LINC00632: variants seen among roughly 807,000 people sequenced by gnomAD.
LINC00632 encodes ALDOA related specific transcript.
exon 5 of LINC00632, among the ~76,000 whole-genome samples, chrX:140,785,358 G>A (rs967457744): frequency 4.5e-5 from 5 of 111,694 alleles, no homozygotes; most frequent in Non-Finnish European, 9.4e-5. Context: ...TGAGGAAACT[G>A]GCACACAGAG....
rs201460417 is a variant in LINC00632, at chrX:140,742,892, G to GA, written n.191+8930dup. On this transcript the variant is annotated intron_variant and non_coding_transcript_variant, in intron 3 of 4. Transcript: ENST00000648200. ...GAGAGAGAGAGAGGAAGGAAGGAAG[G>GA]AAGGAAAGGAAAGGAAAAGGGAAAG... is the stretch of plus-strand genomic sequence containing the variant. 3.6e-3 allele frequency among the ~76,000 whole-genome samples: 358 copies of GA among 99,538 alleles called. 3 individuals are homozygous for GA. Among genetic ancestry groups the GA allele is most frequent in the Middle Eastern group, 0.015 (3 of 195 alleles). 86.4% of individuals were successfully genotyped at this position (99,538 alleles called of 115,157 possible).
At chrX:140,766,258 T>C (rs145878199) in intron 3 of LINC00632, among the ~76,000 whole-genome samples, 2,176 of 111,690 alleles carry the variant, frequency 0.019, 79 homozygotes, top group East Asian at 0.16. Context: ...CTGTTTTTGG[T>C]GGTGAATTTT....
intron 2 of LINC00632, among the ~76,000 whole-genome samples, chrX:140,729,721 C>T (rs1481788237): frequency 9.1e-6 from 1 of 110,257 alleles, no homozygotes; most frequent in Non-Finnish European, 1.9e-5. Flanking sequence ...TGCCGATGAC[C>T]AACTGGGTCC....
At chrX:140,762,756 C>T (rs1931622991) in intron 3 of LINC00632, among the ~76,000 whole-genome samples, 1 of 111,858 alleles carries the variant, frequency 8.9e-6, no homozygotes, top group African/African-American at 3.2e-5. Flanking sequence ...TTATGGACAC[C>T]GAATTTTGAA....
chrX:140,724,172 TACAC>T (rs1200377582), intron 2 of LINC00632, among the ~76,000 whole-genome samples: 1 of 19,629 alleles, frequency 5.1e-5, no homozygotes, highest in Admixed American at 5.7e-4. Flanking sequence ...TCCATACACA[TACAC>T]AGACACATTC....
intron 3 of LINC00632, among the ~76,000 whole-genome samples, chrX:140,753,510 GT>G (rs893814042): frequency 9.0e-6 from 1 of 110,955 alleles, no homozygotes; most frequent in Non-Finnish European, 1.9e-5. Flanking sequence ...GAGCTGTGTT[GT>G]CTAGTACCGA....
At chrX:140,760,698 G>A (rs1931582700) in intron 3 of LINC00632, among the ~76,000 whole-genome samples, 1 of 111,472 alleles carries the variant, frequency 9.0e-6, no homozygotes, top group Non-Finnish European at 1.9e-5. Flanking sequence ...TTGAACCCGG[G>A]AGGCAGAGGT....
intron 3 of LINC00632, among the ~76,000 whole-genome samples, chrX:140,738,884 G>A (rs1351416494): frequency 1.8e-5 from 2 of 111,661 alleles, no homozygotes; most frequent in Non-Finnish European, 3.8e-5. Flanking sequence ...GTTTATATTG[G>A]AAATCTCTCT....
intron 3 of LINC00632, among the ~76,000 whole-genome samples, chrX:140,746,681 TA>T (rs1931331207): frequency 8.9e-6 from 1 of 112,336 alleles, no homozygotes; most frequent in Non-Finnish European, 1.9e-5. Context: ...TGACAGCTAC[TA>T]ATGTATTTAT....
At chrX:140,743,117 C>T (rs1027989535) in intron 3 of LINC00632, among the ~76,000 whole-genome samples, 4 of 102,600 alleles carry the variant, frequency 3.9e-5, no homozygotes, top group Non-Finnish European at 7.9e-5. Flanking sequence ...TCCAGCTATT[C>T]GGGAGGCTGA....
chrX:140,789,788 G>T (rs1408022348), exon 5 of LINC00632, among the ~76,000 whole-genome samples: 17 of 110,560 alleles, frequency 1.5e-4, no homozygotes, highest in Non-Finnish European at 2.5e-4. Flanking sequence ...CTATTCTTTT[G>T]TTGTGTCATT....
intron 3 of LINC00632, among the ~76,000 whole-genome samples, chrX:140,742,822 C>T (rs1931245199): frequency 1.2e-5 from 1 of 81,691 alleles, no homozygotes; most frequent in African/African-American, 5.0e-5. Flanking sequence ...TTGGTAAGGC[C>T]TTATGGTAGA....
chrX:140,777,208 G>C (rs1156563463), exon 5 of LINC00632, among the ~76,000 whole-genome samples: 1 of 111,649 alleles, frequency 9.0e-6, no homozygotes, highest in African/African-American at 3.3e-5. Context: ...TTAAAACCTA[G>C]ATGAAGGGTT....
exon 5 of LINC00632, among the ~76,000 whole-genome samples, chrX:140,789,974 GT>G (rs1340694620): frequency 9.0e-6 from 1 of 111,052 alleles, no homozygotes; most frequent in East Asian, 2.8e-4. Flanking sequence ...ATAGTTTCTT[GT>G]TTTTGTTTCA....
At chrX:140,762,764 G>C (rs1176172848) in intron 3 of LINC00632, among the ~76,000 whole-genome samples, 1 of 112,117 alleles carries the variant, frequency 8.9e-6, no homozygotes, top group East Asian at 2.8e-4. Context: ...ACCGAATTTT[G>C]AAATTCACAT....
intron 3 of LINC00632, among the ~76,000 whole-genome samples, chrX:140,747,948 CTCCCGAGTAGCTGGG>C (rs1255305369): frequency 5.4e-5 from 6 of 111,989 alleles, no homozygotes; most frequent in Non-Finnish European, 1.1e-4. Flanking sequence ...CTGTCTCAGC[CTCCCGAGTAGCTGGG>C]CTTACAGGCG....
intron 3 of LINC00632, among the ~76,000 whole-genome samples, chrX:140,740,587 G>A (rs1053980482): frequency 1.8e-5 from 2 of 110,269 alleles, no homozygotes; most frequent in Non-Finnish European, 3.8e-5. Context: ...CCAATGACCT[G>A]TTTTCTCTCT....
At chrX:140,760,834 G>A (rs180976160) in intron 3 of LINC00632, among the ~76,000 whole-genome samples, 1 of 111,876 alleles carries the variant, frequency 8.9e-6, no homozygotes, top group East Asian at 2.8e-4. Context: ...GAGCTAGAGA[G>A]TTTCAAAGAG....
At chrX:140,732,889 A>G (rs1931082720) in intron 2 of LINC00632, among the ~76,000 whole-genome samples, 1 of 110,045 alleles carries the variant, frequency 9.1e-6, no homozygotes, top group Non-Finnish European at 1.9e-5. Flanking sequence ...CAGCCTCCTA[A>G]GTAGCTGGGA....
Sources: gnomAD v4.1 joint callset for allele counts (sites outside exome capture counted in the v4.1 genomes callset) on GRCh38, gnomAD v4.1.1 for gene constraint, MANE v1.5 for transcripts, NCBI Gene and HGNC (gene_info 2026-07-23, HGNC 2026-07-21) for gene names.